KLF3: variants seen among roughly 807,000 people sequenced by gnomAD.
KLF3 encodes Krueppel-like factor 3.
KLF3 carries 6 observed loss-of-function variants against 32.7 expected under a neutral mutation model. The observed-to-expected ratio is 0.18, with a 90% CI of 0.10 to 0.36. The LOEUF (loss-of-function observed/expected upper bound fraction) is 0.36, where lower values mean the gene tolerates loss of function less well. Ranked by LOEUF, KLF3 falls within the 10% of genes least tolerant of loss-of-function variation. KLF3 has a pLI of 1.00. For synonymous variants in KLF3, 145 were observed against 172.8 expected (o/e 0.84, Z 1.26); for missense variants, 338 against 449.7 (o/e 0.75, Z 2.25).
chr4:38,683,361 G>A (rs952460664), intron 2 of KLF3, among the ~76,000 whole-genome samples: 28 of 152,068 alleles, frequency 1.8e-4, no homozygotes, highest in Admixed American at 1.4e-3. Context: ...GAGAAAGTGA[G>A]GACATGTCAT....
intron 2 of KLF3, among the ~76,000 whole-genome samples, chr4:38,684,530 T>C (rs1408870821): frequency 7.6e-6 from 1 of 131,640 alleles, no homozygotes; most frequent in Non-Finnish European, 1.6e-5. Context: ...TTTTTTGTTT[T>C]GGTTTTTTGT....
At chr4:38,697,043 C>G (rs536244394) in intron 5 of KLF3, 39 bp from the exon 6 acceptor site, 1 of 1,518,534 alleles carries the variant, frequency 6.6e-7, no homozygotes, top group East Asian at 2.3e-5. Flanking sequence ...ACTACCTTTA[C>G]AGAAAAAAAA....
Position 38,700,039 on chromosome 4 carries a change from T to C in KLF3, c.*2776T>C, listed in dbSNP as rs752846415. 3.3e-5 allele frequency: 5 copies of C among 152,240 alleles called. No homozygotes were observed. Among genetic ancestry groups the C allele is most frequent in the East Asian group, 3.8e-4 (2 of 5,206 alleles). The allele number at this position is 152,240 out of a possible 1,614,324, so 9.4% of individuals were successfully genotyped here. A position where few individuals can be genotyped will look rare whatever the true frequency, so the allele number is the denominator to read the frequency against. ...ACTATTACGTAAATTCTGTTTGTTA[T>C]AGAGTTTCTTCAGTTGTTACCCAAG... is the stretch of plus-strand genomic sequence containing the variant. On this transcript the variant is annotated 3_prime_UTR_variant, in exon 6 of 6. Coordinates refer to ENST00000261438, the MANE Select transcript of KLF3 (RefSeq NM_016531.6).
chr4:38,668,783 C>CAAAA lies in KLF3; in HGVS notation c.-40+4322_-40+4323insAAAA, dbSNP rs1722113113. 2.0e-5 allele frequency among the ~76,000 whole-genome samples: 3 copies of CAAAA among 152,162 alleles called. No homozygotes were observed. The South Asian group carries it at 6.2e-4, about 32-fold the overall frequency. ...GCTTTCCCCAAATTCTTTCTTCTCT[C>CAAAA]TTTTGCAGGGAGATGAAGTGGTTAA... On this transcript the variant is annotated intron_variant, in intron 1 of 5. Coordinates refer to ENST00000261438, the MANE Select transcript of KLF3 (RefSeq NM_016531.6).
At chr4:38,673,762 T>C (rs1237616043) in intron 1 of KLF3, among the ~76,000 whole-genome samples, 1 of 152,044 alleles carries the variant, frequency 6.6e-6, no homozygotes, top group Non-Finnish European at 1.5e-5. Flanking sequence ...CCTGTCCTTA[T>C]TGACATGCAA....
At chr4:38,683,725 A>C (rs1168304180) in intron 2 of KLF3, among the ~76,000 whole-genome samples, 1 of 152,198 alleles carries the variant, frequency 6.6e-6, no homozygotes, top group Non-Finnish European at 1.5e-5. Flanking sequence ...AAAACAAATC[A>C]AAAAACAAAC....
In KLF3 at chr4:38,688,942, C is replaced by T; in HGVS notation, c.415C>T (p.Pro139Ser). 6.2e-7 allele frequency: 1 copy of T among 1,614,262 alleles called. No homozygotes were observed. The highest frequency in any genetic ancestry group is 8.5e-7 in the Non-Finnish European group (1 of 1,180,048). Reference sequence around the variant, plus strand: ...CCTCTCGCGGCATGGAATACGGAGCCCGGGGATCCTGCCCGTCATCCAGCC... The same window carrying T: ...CCTCTCGCGGCATGGAATACGGAGCTCGGGGATCCTGCCCGTCATCCAGCC... Reference protein sequence around the residue: ...AALSRHGIRSPGILPVIQPVV... With the variant: ...AALSRHGIRSSGILPVIQPVV... The change falls in exon 3 of 6, where the codon CCG becomes TCG. Residue 139 changes from proline to serine, a missense_variant. Coordinates refer to ENST00000261438, the MANE Select transcript of KLF3 (RefSeq NM_016531.6). This position sits in a 1 kb window ranked among gnomAD's most constrained non-coding sequence, Gnocchi z 4.9.
chr4:38,674,511 A>G lies in KLF3; in HGVS notation c.-39-6076A>G, dbSNP rs1034645829. 2.0e-5 allele frequency among the ~76,000 whole-genome samples: 3 copies of G among 152,020 alleles called. No homozygotes were observed. The highest frequency in any genetic ancestry group is 6.6e-5 in the Admixed American group (1 of 15,250). On this transcript the variant is annotated intron_variant, in intron 1 of 5. Transcript: ENST00000261438. This position sits in a 1 kb window ranked among gnomAD's most constrained non-coding sequence, Gnocchi z 4.1. The stretch of plus-strand genomic sequence containing the variant: ...GGAAGATAACATGTTTTCTCTTTGA[A>G]AAATCCAAAAACTTAGAAGAGTTGA...
intron 2 of KLF3, 97 bp downstream of exon 2, chr4:38,680,779 G>GA: frequency 3.0e-6 from 3 of 1,009,142 alleles, no homozygotes; most frequent in Non-Finnish European, 3.1e-6. Flanking sequence ...GGCCGGGCGT[G>GA]GTGGCTCACG....
chr4:38,678,197 G>A (rs780629156), intron 1 of KLF3, among the ~76,000 whole-genome samples: 2 of 152,156 alleles, frequency 1.3e-5, no homozygotes, highest in African/African-American at 2.4e-5. Context: ...GTGACCAGCC[G>A]TGAGTCAGGG....
At position 38,671,949 on chromosome 4, in the gene KLF3, A is replaced by C. The variant is rs1165457360; in HGVS notation, c.-40+7488A>C. 6.7e-6 allele frequency among the ~76,000 whole-genome samples: 1 copy of C among 148,818 alleles called. No individual in the cohort carries two copies. The highest frequency in any genetic ancestry group is 1.5e-5 in the Non-Finnish European group (1 of 67,158). ...CTCCCTTTCTCGCTTTCTTTTTTCT[A>C]TTTTAGATTTTAAAGTACAGTAGAG... is the stretch of plus-strand genomic sequence containing the variant. On this transcript the variant is annotated intron_variant, in intron 1 of 5. Transcript: ENST00000261438. The surrounding 1 kb of genome is among the most constrained non-coding windows in gnomAD (Gnocchi z 4.4).
chr4:38,690,048 C>T, intron 4 of KLF3, 169 bp downstream of exon 4: 1 of 554,478 alleles, frequency 1.8e-6, no homozygotes, highest in African/African-American at 1.9e-5. Flanking sequence ...AGAATCTCTC[C>T]AAAAACAATA....
chr4:38,673,889 A>C (rs1722269027), intron 1 of KLF3, among the ~76,000 whole-genome samples: 1 of 152,154 alleles, frequency 6.6e-6, no homozygotes, highest in African/African-American at 2.4e-5. Flanking sequence ...AGGGTGGAGC[A>C]GATGGGTGGA....
rs1722182919 is a variant in KLF3, at chr4:38,671,024, G to A, written c.-40+6563G>A. 6.6e-6 allele frequency among the ~76,000 whole-genome samples: 1 copy of A among 152,194 alleles called. No individual in the cohort carries two copies. Among genetic ancestry groups the A allele is most frequent in the African/African-American group, 2.4e-5 (1 of 41,448 alleles). On this transcript the variant is annotated intron_variant, in intron 1 of 5. Transcript: ENST00000261438. The surrounding 1 kb of genome is among the most constrained non-coding windows in gnomAD (Gnocchi z 4.4). The stretch of plus-strand genomic sequence containing the variant: ...ACCTCCCCCTGGCACTGCTTCCCAT[G>A]GGCCAGTGTGGCTGTGCACACCCAC...
intron 3 of KLF3, among the ~76,000 whole-genome samples, chr4:38,689,372 C>G (rs1390691741): frequency 2.6e-5 from 4 of 152,190 alleles, no homozygotes; most frequent in Admixed American, 2.6e-4. Context: ...GTTCTAGGTA[C>G]AAAAGGCATT....
intron 2 of KLF3, chr4:38,681,059 CAA>C (rs545371823): frequency 4.3e-4 from 52 of 120,514 alleles, no homozygotes; most frequent in South Asian, 2.3e-3. Context: ...AAGTCCGTCT[CAA>C]AAAAAAAAAA....
At chr4:38,685,198 C>A (rs551442276) in intron 2 of KLF3, among the ~76,000 whole-genome samples, 2 of 152,170 alleles carry the variant, frequency 1.3e-5, no homozygotes, top group African/African-American at 4.8e-5. Context: ...CTACACGGCA[C>A]CAGATTGTTG....
intron 1 of KLF3, among the ~76,000 whole-genome samples, chr4:38,666,152 A>G (rs188967815): frequency 9.8e-5 from 15 of 152,354 alleles, no homozygotes; most frequent in East Asian, 7.7e-4. Context: ...GGTAAGTTCA[A>G]TGATGATACA....
chr4:38,680,299 C>T (rs538116972), intron 1 of KLF3, among the ~76,000 whole-genome samples: 39 of 152,068 alleles, frequency 2.6e-4, no homozygotes, highest in African/African-American at 8.2e-4. Flanking sequence ...CTGCAACCTC[C>T]GCCTCCTGGG....
Sources: allele counts gnomAD v4.1 joint callset (sites outside exome capture counted in the v4.1 genomes callset), GRCh38; gene constraint gnomAD v4.1.1; non-coding constraint Gnocchi (gnomAD v3.1); transcripts MANE v1.5; gene names NCBI Gene and HGNC (gene_info 2026-07-23, HGNC 2026-07-21).